FAM210A: variants seen among roughly 807,000 people sequenced by gnomAD.
FAM210A encodes mitochondrial inner membrane scaffold 1.
In FAM210A, 13 loss-of-function variants were observed where a neutral mutation model predicts 25.3. That is an observed-to-expected ratio of 0.51 (90% CI 0.33 to 0.82). FAM210A has a LOEUF of 0.82. Among genes scored for constraint, FAM210A ranks in the 40% least tolerant of loss-of-function variants. The probability of loss-of-function intolerance (pLI) is 0.02; values close to 1 mark genes in which losing one functional copy is unlikely to be tolerated. For synonymous variants in FAM210A, 125 were observed against 118.7 expected, an observed-to-expected ratio of 1.05 and a Z score of -0.35; for missense variants, 319 against 323.2, an observed-to-expected ratio of 0.99 and a Z score of 0.10.
At position 13,695,503 on chromosome 18, in the gene FAM210A, G is replaced by T. The variant is rs368292434; in HGVS notation, c.-28-13398C>A. The stretch of plus-strand genomic sequence containing the variant: ...CGATAGACTGGATTAAGAAAATGTG[G>T]CACATATACACCATGGAATACTATG... On this transcript the variant is annotated intron_variant, in intron 1 of 3. Transcript: ENST00000651643. Among the ~76,000 whole-genome samples, 17 of 152,288 alleles carry T rather than the reference G, an allele frequency of 1.1e-4. No homozygotes were observed. The East Asian group carries it at 1.3e-3, about 12-fold the overall frequency.
chr18:13,686,413 C>T lies in FAM210A; in HGVS notation c.-28-4308G>A, dbSNP rs531876563. On this transcript the variant is annotated intron_variant, in intron 1 of 3. Transcript: ENST00000651643. The stretch of plus-strand genomic sequence containing the variant: ...CTATAGCTTAACGTATAGCCAATAA[C>T]TCAATGCTACGTCTGTAAACCAGTG... Among the ~76,000 whole-genome samples, 12 of 152,316 alleles carry T rather than the reference C, an allele frequency of 7.9e-5. 1 individual carries two copies. Among genetic ancestry groups the T allele is most frequent in the Admixed American group, 7.8e-4 (12 of 15,302 alleles).
At chr18:13,709,752 A>G (rs1172084987) in intron 1 of FAM210A, among the ~76,000 whole-genome samples, 1 of 152,208 alleles carries the variant, frequency 6.6e-6, no homozygotes, top group East Asian at 1.9e-4. Flanking sequence ...GGAGGCACTC[A>G]ATAAATGTTT....
At chr18:13,714,629 A>G (rs1284217) in intron 1 of FAM210A, among the ~76,000 whole-genome samples, 140,428 of 152,300 alleles carry the variant, frequency 0.92, 64,786 homozygotes, top group East Asian at 0.97. Context: ...TTATCTGGCT[A>G]TTCAGTCTTC....
chr18:13,683,074 C>T (rs2043569263), intron 1 of FAM210A, among the ~76,000 whole-genome samples: 1 of 152,012 alleles, frequency 6.6e-6, no homozygotes, highest in Admixed American at 6.6e-5. Flanking sequence ...GGAACCAAGC[C>T]CATGTCCACT....
chr18:13,721,872 T>C (rs1168307635), intron 1 of FAM210A, among the ~76,000 whole-genome samples: 1 of 152,112 alleles, frequency 6.6e-6, no homozygotes, highest in Non-Finnish European at 1.5e-5. Context: ...TCTAATTATT[T>C]CCTCTTCTCC....
intron 1 of FAM210A, among the ~76,000 whole-genome samples, chr18:13,705,862 T>C (rs887645807): frequency 1.3e-5 from 2 of 152,224 alleles, no homozygotes; most frequent in African/African-American, 4.8e-5. Context: ...GGCTACCTGA[T>C]GGGTCATTTA....
chr18:13,684,100 TA>T (rs1404939550), intron 1 of FAM210A, among the ~76,000 whole-genome samples: 1 of 152,148 alleles, frequency 6.6e-6, no homozygotes, highest in Non-Finnish European at 1.5e-5. Flanking sequence ...AGAAGTCTTT[TA>T]AAAAGTGATA....
intron 1 of FAM210A, among the ~76,000 whole-genome samples, chr18:13,708,064 T>C (rs1412360281): frequency 6.6e-6 from 1 of 152,250 alleles, no homozygotes; most frequent in East Asian, 1.9e-4. Flanking sequence ...TTTCATCTTC[T>C]CATTTTGCTG....
At chr18:13,699,369 A>G (rs1049933439) in intron 1 of FAM210A, among the ~76,000 whole-genome samples, 1 of 152,128 alleles carries the variant, frequency 6.6e-6, no homozygotes, top group Non-Finnish European at 1.5e-5. Flanking sequence ...CAAATTCTTA[A>G]TTTTCAGAAA....
intron 1 of FAM210A, chr18:13,697,775 T>C (rs1204101992): frequency 1.3e-5 from 2 of 152,148 alleles, no homozygotes; most frequent in Admixed American, 1.3e-4. Flanking sequence ...CATAGATGTT[T>C]AAAGCAGCTT....
chr18:13,701,247 G>A (rs1335691419), intron 1 of FAM210A, among the ~76,000 whole-genome samples: 1 of 152,114 alleles, frequency 6.6e-6, no homozygotes. Flanking sequence ...GAGCTCTACA[G>A]ATTTGTGTTT....
At chr18:13,715,887 T>C (rs1015403316) in intron 1 of FAM210A, among the ~76,000 whole-genome samples, 1 of 152,188 alleles carries the variant, frequency 6.6e-6, no homozygotes, top group African/African-American at 2.4e-5. Flanking sequence ...TCCTTGTTTC[T>C]ACTGTGGCTC....
At position 13,717,487 on chromosome 18, in the gene FAM210A, G is replaced by A. The variant is rs186012454; in HGVS notation, c.-29+8842C>T. 7.2e-5 allele frequency among the ~76,000 whole-genome samples: 11 copies of A among 152,228 alleles called. No individual in the cohort carries two copies. The East Asian group carries it at 2.1e-3, about 29-fold the overall frequency. ...TCACCACTGCACCGCTAACTACAAA[G>A]CAGGGTTTGCAGAATTACTCGAATT... is the stretch of plus-strand genomic sequence containing the variant. On this transcript the variant is annotated intron_variant, in intron 1 of 3. Coordinates refer to ENST00000651643, the MANE Select transcript of FAM210A (RefSeq NM_152352.4).
At chr18:13,686,864 T>C (rs1361474941) in intron 1 of FAM210A, among the ~76,000 whole-genome samples, 1 of 151,880 alleles carries the variant, frequency 6.6e-6, no homozygotes, top group African/African-American at 2.4e-5. Flanking sequence ...AAGGAAAAAA[T>C]AATACAATTC....
chr18:13,674,075 A>C (rs2847142), intron 2 of FAM210A, among the ~76,000 whole-genome samples: 195 of 99,916 alleles, frequency 2.0e-3, no homozygotes, highest in African/African-American at 4.5e-3. Context: ...TGATTATTAT[A>C]ATTCCTGAGC....
chr18:13,691,147 A>G (rs1005083540), intron 1 of FAM210A, among the ~76,000 whole-genome samples: 4 of 152,234 alleles, frequency 2.6e-5, no homozygotes, highest in African/African-American at 9.6e-5. Flanking sequence ...AGTGGAAGAA[A>G]GGGTATCAGT....
intron 1 of FAM210A, among the ~76,000 whole-genome samples, chr18:13,683,638 A>G (rs1177881924): frequency 1.1e-4 from 17 of 150,686 alleles, no homozygotes; most frequent in Non-Finnish European, 5.9e-5. Flanking sequence ...AGGTTCTCCC[A>G]GTGGTAAATG....
intron 1 of FAM210A, among the ~76,000 whole-genome samples, chr18:13,682,512 G>A (rs774354608): frequency 5.3e-5 from 8 of 152,204 alleles, no homozygotes; most frequent in Non-Finnish European, 1.2e-4. Context: ...AGGGTGCAGT[G>A]ATCTGAGATC....
chr18:13,677,126 G>A (rs142912992), intron 2 of FAM210A, among the ~76,000 whole-genome samples: 1,869 of 150,504 alleles, frequency 0.012, 43 homozygotes, highest in African/African-American at 0.04. Flanking sequence ...CCAGGCTGGA[G>A]TGCAGTGGCG....
Sources: allele counts gnomAD v4.1 joint callset (sites outside exome capture counted in the v4.1 genomes callset), GRCh38; gene constraint gnomAD v4.1.1; transcripts MANE v1.5; gene names NCBI Gene and HGNC (gene_info 2026-07-23, HGNC 2026-07-21).